DCTN1: variants seen among roughly 807,000 people sequenced by gnomAD.
The protein encoded by DCTN1 is 150 kDa dynein-associated polypeptide.
A neutral mutation model predicts 161.2 loss-of-function variants in DCTN1; 61 were observed. That is an observed-to-expected ratio of 0.38 (90% CI 0.31 to 0.47). The LOEUF (loss-of-function observed/expected upper bound fraction) is 0.47. Ranked by LOEUF, DCTN1 falls within the 20% of genes least tolerant of loss-of-function variation. DCTN1 has a pLI of 0.99. For synonymous variants in DCTN1, 653 were observed against 632.4 expected (o/e 1.03, Z -0.49); for missense variants, 1,404 against 1,623.7 (o/e 0.86, Z 2.33).
At chr2:74,373,270 G>A (rs148002803) in intron 6 of DCTN1, 6 of 433,088 alleles carry the variant, frequency 1.4e-5, no homozygotes, top group South Asian at 8.5e-5. Context: ...CAGCTAGTGA[G>A]AAGGTCCCAT....
upstream of DCTN1, among the ~76,000 whole-genome samples, chr2:74,384,594 T>A (rs1015520209): frequency 4.6e-5 from 7 of 152,176 alleles, no homozygotes; most frequent in Non-Finnish European, 1.0e-4. Flanking sequence ...TTCAGGAAAT[T>A]ATAGGAAAAT....
At chr2:74,375,446 T>C (rs1675167368) in intron 5 of DCTN1, among the ~76,000 whole-genome samples, 1 of 152,178 alleles carries the variant, frequency 6.6e-6, no homozygotes, top group African/African-American at 2.4e-5. Flanking sequence ...CTCAACTGTC[T>C]GATTGACACT....
chr2:74,374,797 T>G (rs1675126046), intron 5 of DCTN1: 9 of 1,031,450 alleles, frequency 8.7e-6, no homozygotes, highest in Non-Finnish European at 1.1e-5. Flanking sequence ...ATGACAGTCA[T>G]GCGCAGAGCT....
In DCTN1 at chr2:74,363,504, T is replaced by C. The variant is rs1055144566; in HGVS notation, c.3212-77A>G. ...TTGGGCTCCATTCCTACTCTTCCCC[T>C]TTCCTCATCCCCCCATCACCCATCT... On this transcript the variant is annotated intron_variant, in intron 27 of 31. Coordinates refer to ENST00000628224, the MANE Select transcript of DCTN1 (RefSeq NM_004082.5). The C allele has an allele frequency of 2.5e-6, 4 of 1,598,702 alleles. No individual in the cohort carries two copies. In the African/African-American group the frequency reaches 5.4e-5, roughly 21 times the overall value.
chr2:74,369,481 T>A lies in DCTN1; in HGVS notation c.1403A>T (p.Asn468Ile). The A allele has an allele frequency of 6.2e-7, 1 of 1,613,246 alleles. No individual in the cohort carries two copies. The highest frequency in any genetic ancestry group is 1.3e-5 in the African/African-American group (1 of 75,038). Residue 468 changes from asparagine to isoleucine, a missense_variant, in exon 14 of 32, where the codon AAT becomes ATT. Transcript: ENST00000628224. This position sits in a 1 kb window ranked among gnomAD's most constrained non-coding sequence, Gnocchi z 4.9. The stretch of plus-strand genomic sequence containing the variant: ...CTCCTGCAGCTCATCGTTCATCTCA[T>A]TCATCGCTTCCTAGGACACCACACC... ...RETVGDLEAMNEMNDELQENA... is the reference protein window; with the variant it reads ...RETVGDLEAMIEMNDELQENA...
rs1674420325 is a variant in DCTN1 at position 74,366,486 on chromosome 2, C to T, written c.2601G>A (p.Glu867=). 1 of 1,614,090 alleles carries T rather than the reference C, an allele frequency of 6.2e-7. No homozygotes were observed. The highest frequency in any genetic ancestry group is 8.5e-7 in the Non-Finnish European group (1 of 1,180,014). ...GCTCGCTTGCTTTGAAAGCCAGTTC[C>T]TCCAGAGCAGCCACAAGTAGCCCCT... ...ENEGLLVAAL[E]ELAFKASEQI... The change falls in exon 22 of 32, where the codon GAG becomes GAA. Residue 867 remains glutamate, a synonymous_variant. Transcript: ENST00000628224.
At position 74,368,350 on chromosome 2, in the gene DCTN1, T is replaced by C. The variant is rs1014101072; in HGVS notation, c.1855-219A>G. 2.3e-5 allele frequency: 15 copies of C among 655,620 alleles called. No homozygotes were observed. In the African/African-American group the frequency reaches 2.6e-4, roughly 11 times the overall value. The allele number at this position is 655,620 out of a possible 1,614,324, so 40.6% of individuals were successfully genotyped here. Reference sequence around the variant, plus strand: ...GAGTCAGGATGTGAAAATGAAAGGGTAGTGGGACCGGTGGAATCAAGGTCT... The same window carrying C: ...GAGTCAGGATGTGAAAATGAAAGGGCAGTGGGACCGGTGGAATCAAGGTCT... On this transcript the variant is annotated intron_variant, in intron 16 of 31. Transcript: ENST00000628224.
At chr2:74,363,519 A>C (rs1674179531) in intron 27 of DCTN1, 92 bp from the exon 28 acceptor site, 1 of 1,596,164 alleles carries the variant, frequency 6.3e-7, no homozygotes, top group Non-Finnish European at 8.5e-7. Context: ...TCATCCCCCC[A>C]TCACCCATCT....
chr2:74,381,369 T>C (rs1675502542), upstream of DCTN1, among the ~76,000 whole-genome samples: 1 of 152,162 alleles, frequency 6.6e-6, no homozygotes, highest in South Asian at 2.1e-4. Context: ...AACAGTGACT[T>C]TACCCCGCTC....
intron 30 of DCTN1, 39 bp from the exon 31 acceptor site, chr2:74,362,180 G>C: frequency 6.3e-7 from 1 of 1,583,802 alleles, no homozygotes; most frequent in Non-Finnish European, 8.7e-7. Context: ...TCATTTATGG[G>C]ACCCCCACAG....
intron 26 of DCTN1, chr2:74,363,944 C>A: frequency 2.2e-6 from 1 of 461,828 alleles, no homozygotes. Context: ...TCTCAGATGC[C>A]ATCTCCAAGA....
chr2:74,381,704 C>A (rs764901736), upstream of DCTN1, among the ~76,000 whole-genome samples: 2 of 152,176 alleles, frequency 1.3e-5, no homozygotes, highest in Non-Finnish European at 2.9e-5. Flanking sequence ...GGCTTTATCA[C>A]TTGGTAGCTA....
In DCTN1 at chr2:74,362,921, T is replaced by TGAGCAGGGGCTAAATCCCTGGGCCAA. The variant is rs1264799598; in HGVS notation, c.3529+47_3529+72dup. ...GAGCTTCTGTGGTGGGGGAACCACCTGAGCAGGGGCTAAATCCCTGGGCCA... is the reference window on the plus strand; with the variant it reads ...GAGCTTCTGTGGTGGGGGAACCACCTGAGCAGGGGCTAAATCCCTGGGCCAAGAGCAGGGGCTAAATCCCTGGGCCA... On this transcript the variant is annotated intron_variant, in intron 29 of 31. Coordinates refer to ENST00000628224, the MANE Select transcript of DCTN1 (RefSeq NM_004082.5). 1.9e-6 allele frequency: 3 copies of TGAGCAGGGGCTAAATCCCTGGGCCAA among 1,551,122 alleles called. No individual in the cohort carries two copies. In the East Asian group the frequency reaches 6.9e-5, roughly 35 times the overall value.
intron 4 of DCTN1, 90 bp downstream of exon 4, chr2:74,377,342 A>T: frequency 8.7e-7 from 1 of 1,154,546 alleles, no homozygotes; most frequent in Non-Finnish European, 1.3e-6. Flanking sequence ...AGACTCACCT[A>T]CTACTTCTAC....
At chr2:74,387,913 C>T (rs1026209664) in intron 1 of DCTN1, among the ~76,000 whole-genome samples, 3 of 152,234 alleles carry the variant, frequency 2.0e-5, no homozygotes, top group Non-Finnish European at 4.4e-5. Context: ...TGACCAAGCA[C>T]AGTGGCTACA....
chr2:74,365,503 A>C lies in DCTN1; in HGVS notation c.3029+12T>G. Reference sequence around the variant, plus strand: ...GATTAGAGGAAGCAAGGCCCCAGGGAAAGTGCCTGACTTCTCCTTCTTTCG... The same window carrying C: ...GATTAGAGGAAGCAAGGCCCCAGGGCAAGTGCCTGACTTCTCCTTCTTTCG... On this transcript the variant is annotated intron_variant, in intron 25 of 31. Transcript: ENST00000628224. 1.2e-6 allele frequency: 2 copies of C among 1,614,104 alleles called. No homozygotes were observed. Among genetic ancestry groups the C allele is most frequent in the Non-Finnish European group, 8.5e-7 (1 of 1,180,012 alleles).
chr2:74,384,527 AAATCTCTGTGTCTGATAAATAAT>A (rs1419980217), upstream of DCTN1, among the ~76,000 whole-genome samples: 6 of 152,196 alleles, frequency 3.9e-5, no homozygotes, highest in East Asian at 1.2e-3. Context: ...AGGAGGGGAA[AAATCTCTGTGTCTGATAAATAAT>A]AATCTCTGTG....
At chr2:74,376,856 T>A in intron 4 of DCTN1, 94 bp from the exon 5 acceptor site, 1 of 1,146,710 alleles carries the variant, frequency 8.7e-7, no homozygotes, top group Non-Finnish European at 1.3e-6. Context: ...TAGACGCGGG[T>A]AGGGGGGAGT....
Position 74,361,522 on chromosome 2 carries a change from G to A in DCTN1, c.3814C>T (p.Leu1272Phe), listed in dbSNP as rs1177187751. The change falls in exon 32 of 32, where the codon CTT (leucine) becomes TTT (phenylalanine). Residue 1272 changes from leucine (L) to phenylalanine (F), a missense_variant. Leu to Phe is a conservative substitution (Grantham distance 22). Transcript: ENST00000628224. ...GCTTAGGAGATGAGGCGACTGTGAA[G>A]CTGGTGCAGCTGCTCCTGGGTCAGC... The part of the protein sequence containing the change: ...LVLTQEQLHQ[L>F]HSRLIS 3 of 1,614,194 alleles carry A rather than the reference G, an allele frequency of 1.9e-6. No homozygotes were observed. Among genetic ancestry groups the A allele is most frequent in the Non-Finnish European group, 2.5e-6 (3 of 1,180,040 alleles).
Sources: allele counts gnomAD v4.1 joint callset (sites outside exome capture counted in the v4.1 genomes callset), GRCh38; gene constraint gnomAD v4.1.1; non-coding constraint Gnocchi (gnomAD v3.1); transcripts MANE v1.5; gene names NCBI Gene and HGNC (gene_info 2026-07-23, HGNC 2026-07-21).